The following UBE2E1 variants were observed in gnomAD, a reference collection of about 807,000 sequenced individuals.
UBE2E1 encodes the protein ubiquitin-conjugating enzyme E2 E1.
In UBE2E1, 6 loss-of-function variants were observed where a neutral mutation model predicts 21.4. That is an observed-to-expected ratio of 0.28 (90% confidence interval 0.15 to 0.55). UBE2E1 has a LOEUF of 0.55. Among genes scored for constraint, UBE2E1 ranks in the 20% least tolerant of loss-of-function variants. The probability of loss-of-function intolerance (pLI) is 0.93; values close to 1 mark genes in which losing one functional copy is unlikely to be tolerated. For synonymous variants in UBE2E1, 87 were observed against 82.7 expected, an observed-to-expected ratio of 1.05 and a Z score of -0.28; for missense variants, 142 against 236.5, an observed-to-expected ratio of 0.60 and a Z score of 2.62.
intron 3 of UBE2E1, among the ~76,000 whole-genome samples, chr3:23,813,193 TGTTACGGA>T (rs1193134675): frequency 3.9e-5 from 6 of 152,144 alleles, no homozygotes; most frequent in African/African-American, 1.4e-4. Context: ...GGGTGATTGG[TGTTACGGA>T]GTCAAAGCTC....
chr3:23,807,166 A>G (rs768982918), intron 1 of UBE2E1, 71 bp from the exon 2 acceptor site: 1 of 1,346,394 alleles, frequency 7.4e-7, no homozygotes, highest in Non-Finnish European at 9.9e-7. Context: ...CCCTCCTGAC[A>G]GCACCCGAGT....
At chr3:23,868,427 G>C (rs2125317777) in intron 3 of UBE2E1, among the ~76,000 whole-genome samples, 1 of 152,160 alleles carries the variant, frequency 6.6e-6, no homozygotes, top group Admixed American at 6.5e-5. Flanking sequence ...TCCTGCCTCA[G>C]CCTCCTGAGT....
chr3:23,813,724 G>C (rs1699451048), intron 3 of UBE2E1, among the ~76,000 whole-genome samples: 1 of 152,034 alleles, frequency 6.6e-6, no homozygotes, highest in African/African-American at 2.4e-5. Flanking sequence ...TGTATTTTGG[G>C]TAGAGATGGG....
chr3:23,838,468 G>A (rs1412962212), intron 3 of UBE2E1, among the ~76,000 whole-genome samples: 1 of 152,116 alleles, frequency 6.6e-6, no homozygotes, highest in Non-Finnish European at 1.5e-5. Context: ...AACATTTAAT[G>A]TTATTGTTGA....
At chr3:23,827,338 A>G (rs1699779402) in intron 3 of UBE2E1, among the ~76,000 whole-genome samples, 2 of 152,232 alleles carry the variant, frequency 1.3e-5, no homozygotes. Context: ...AGCCTGATTT[A>G]TGATATTCTG....
At chr3:23,817,679 G>T (rs999143225) in intron 3 of UBE2E1, among the ~76,000 whole-genome samples, 7 of 152,120 alleles carry the variant, frequency 4.6e-5, no homozygotes, top group Admixed American at 2.0e-4. Flanking sequence ...GAGAAGTGGG[G>T]TGGGGAAGAA....
chr3:23,821,976 T>C (rs911903333), intron 3 of UBE2E1, among the ~76,000 whole-genome samples: 2 of 152,088 alleles, frequency 1.3e-5, no homozygotes, highest in Non-Finnish European at 2.9e-5. Context: ...TGCCTTTCTC[T>C]CTCCTAGAAA....
intron 3 of UBE2E1, among the ~76,000 whole-genome samples, chr3:23,831,106 T>G (rs1165442267): frequency 6.6e-6 from 1 of 152,208 alleles, no homozygotes; most frequent in Non-Finnish European, 1.5e-5. Context: ...CTAAGACTCT[T>G]TATGTTGCAG....
chr3:23,864,153 G>T (rs1043173250), intron 3 of UBE2E1, among the ~76,000 whole-genome samples: 39 of 152,136 alleles, frequency 2.6e-4, no homozygotes, highest in Non-Finnish European at 2.9e-5. Context: ...TGTGGAATTT[G>T]TATTGGAAAT....
chr3:23,865,161 G>C (rs113989187), intron 3 of UBE2E1, among the ~76,000 whole-genome samples: 1 of 152,248 alleles, frequency 6.6e-6, no homozygotes, highest in Non-Finnish European at 1.5e-5. Context: ...GAGTCAGCTG[G>C]CCTGTGTCCT....
chr3:23,878,470 G>A (rs868359275), intron 3 of UBE2E1, among the ~76,000 whole-genome samples: 5 of 152,180 alleles, frequency 3.3e-5, no homozygotes, highest in South Asian at 2.1e-4. Context: ...CACAGACCCC[G>A]TACTGGTCCC....
chr3:23,864,083 A>T (rs1321187703), intron 3 of UBE2E1, among the ~76,000 whole-genome samples: 4 of 152,098 alleles, frequency 2.6e-5, no homozygotes, highest in Non-Finnish European at 1.5e-5. Context: ...TTTTTTAGAG[A>T]CCTCAAGTAT....
chr3:23,885,860 T>TA (rs1701169505), intron 3 of UBE2E1, among the ~76,000 whole-genome samples: 1 of 151,130 alleles, frequency 6.6e-6, no homozygotes, highest in Non-Finnish European at 1.5e-5. Flanking sequence ...AACTCCGCCT[T>TA]AAAAAACAAA....
At chr3:23,889,467 A>ATT (rs1261201873) in intron 5 of UBE2E1, 2 of 1,393,014 alleles carry the variant, frequency 1.4e-6, no homozygotes, top group African/African-American at 3.0e-5. Context: ...GCAACAAGGT[A>ATT]TTTTAAACTG....
intron 3 of UBE2E1, among the ~76,000 whole-genome samples, chr3:23,874,751 AC>A (rs1700879705): frequency 1.3e-5 from 2 of 152,164 alleles, no homozygotes. Flanking sequence ...ATCCTGACTT[AC>A]CTACATGTTT....
At chr3:23,883,140 T>C (rs1401725529) in intron 3 of UBE2E1, among the ~76,000 whole-genome samples, 1 of 152,214 alleles carries the variant, frequency 6.6e-6, no homozygotes, top group South Asian at 2.1e-4. Context: ...CAATTCAGGA[T>C]TTTCCATACT....
At chr3:23,888,380 C>A (rs908727068) in intron 4 of UBE2E1, 2 of 369,810 alleles carry the variant, frequency 5.4e-6, no homozygotes, top group African/African-American at 2.2e-5. Context: ...ACTGCAGCAA[C>A]AAGAAGTAAT....
intron 3 of UBE2E1, among the ~76,000 whole-genome samples, chr3:23,822,463 T>C (rs1393417873): frequency 6.7e-6 from 1 of 149,002 alleles, no homozygotes; most frequent in African/African-American, 2.5e-5. Flanking sequence ...CTCAAAGGAG[T>C]TTTTTTTTTC....
chr3:23,819,213 G>A (rs942204766), intron 3 of UBE2E1, among the ~76,000 whole-genome samples: 1 of 152,170 alleles, frequency 6.6e-6, no homozygotes, highest in Admixed American at 6.5e-5. Context: ...GAACCCGGGA[G>A]ACAGGGGTTG....
Sources: gnomAD v4.1 joint callset for allele counts (sites outside exome capture counted in the v4.1 genomes callset) on GRCh38, gnomAD v4.1.1 for gene constraint, MANE v1.5 for transcripts, NCBI Gene and HGNC (gene_info 2026-07-23, HGNC 2026-07-21) for gene names.